The following ANKRD13D variants were observed in gnomAD, a reference collection of about 807,000 sequenced individuals.
ANKRD13D encodes ankyrin repeat domain 13D.
A neutral mutation model predicts 68.8 loss-of-function variants in ANKRD13D; 24 were observed. That is an observed-to-expected ratio of 0.35 (90% CI 0.25 to 0.49). ANKRD13D has a LOEUF of 0.49. ANKRD13D is among the 20% of genes least tolerant of loss of function. The probability of loss-of-function intolerance (pLI) is 0.99; values close to 1 mark genes in which losing one functional copy is unlikely to be tolerated. For synonymous variants in ANKRD13D, 331 were observed against 336.1 expected, an observed-to-expected ratio of 0.98 and a Z score of 0.16; for missense variants, 735 against 832.1, an observed-to-expected ratio of 0.88 and a Z score of 1.44.
At chr11:67,296,412 G>T (rs1860758951) in intron 6 of ANKRD13D, among the ~76,000 whole-genome samples, 1 of 151,496 alleles carries the variant, frequency 6.6e-6, no homozygotes, top group Non-Finnish European at 1.5e-5. Flanking sequence ...TCAGTCTCTT[G>T]ACTTGTTATC....
Position 67,302,174 on chromosome 11 carries a change from C to A in ANKRD13D, c.1660C>A (p.Pro554Thr), listed in dbSNP as rs772381455. The A allele has an allele frequency of 6.3e-7, 1 of 1,596,872 alleles. No individual in the cohort carries two copies. The highest frequency in any genetic ancestry group is 8.5e-7 in the Non-Finnish European group (1 of 1,172,672). Residue 554 changes from proline to threonine, a missense_variant, in exon 15 of 15, where the codon CCC (proline) becomes ACC (threonine). Coordinates refer to ENST00000511455, the MANE Select transcript of ANKRD13D (RefSeq NM_207354.3). ...AGAGCCCAGGGGCCCAGGATCCCCT[C>A]CCAGGACACCCCCAGCCCCCGGTCC... is the stretch of plus-strand genomic sequence containing the variant. The part of the protein sequence containing the change: ...STEPRGPGSP[P>T]RTPPAPGPPS...
In ANKRD13D at chr11:67,302,390, A is replaced by T; in HGVS notation, c.*58A>T. 6.9e-7 allele frequency: 1 copy of T among 1,444,356 alleles called. No homozygotes were observed. The highest frequency in any genetic ancestry group is 2.5e-5 in the East Asian group (1 of 39,598). 89.5% of individuals were successfully genotyped at this position (1,444,356 alleles called of 1,614,324 possible). A position where few individuals can be genotyped will look rare whatever the true frequency, so the allele number is the denominator to read the frequency against. The stretch of plus-strand genomic sequence containing the variant: ...CCCTGCCCGCTTTTGTAATTTATTT[A>T]TTTATAAACTCTCTGCTGCTGAGCT... On this transcript the variant is annotated 3_prime_UTR_variant, in exon 15 of 15. Coordinates refer to ENST00000511455, the MANE Select transcript of ANKRD13D (RefSeq NM_207354.3).
At chr11:67,298,730 G>A in intron 6 of ANKRD13D, 1 of 326,366 alleles carries the variant, frequency 3.1e-6, no homozygotes, top group Non-Finnish European at 5.8e-6. Flanking sequence ...CCTAGAGTGT[G>A]TCAAAGCTCA....
rs778832639 is a variant in ANKRD13D, at chr11:67,300,093, G to A, written c.1043G>A (p.Arg348His). 2.5e-6 allele frequency: 4 copies of A among 1,613,990 alleles called. No individual in the cohort carries two copies. The highest frequency in any genetic ancestry group is 1.7e-4 in the Middle Eastern group (1 of 6,060). ...AGCCTGGAGTCACGGAACATTGGCC[G>A]CCCCATCGAGATGTCCAGCAAAGTA... ...NFSLESRNIG[R>H]PIEMSSKVQR... The change falls in exon 10 of 15, where the codon CGC (arginine) becomes CAC (histidine). Residue 348 changes from arginine (R) to histidine (H), a missense_variant. By Grantham distance (29) the Arg-to-His change is conservative (BLOSUM62 0). Transcript: ENST00000511455. The surrounding 1 kb of genome is among the most constrained non-coding windows in gnomAD (Gnocchi z 4.3).
At chr11:67,290,620 C>T (rs749637693) in intron 3 of ANKRD13D, 174 bp downstream of exon 3, 5 of 1,059,512 alleles carry the variant, frequency 4.7e-6, no homozygotes, top group Non-Finnish European at 6.6e-6. Context: ...AGAGAGACGG[C>T]CAGGCTCACG....
Position 67,300,081 on chromosome 11 carries a change from G to C in ANKRD13D, c.1031G>C (p.Arg344Pro), listed in dbSNP as rs78983123. 1.9e-6 allele frequency: 3 copies of C among 1,614,062 alleles called. No individual in the cohort carries two copies. In the East Asian group the frequency reaches 6.7e-5, roughly 36 times the overall value. The part of the protein sequence containing the change: ...YFDPNFSLES[R>P]NIGRPIEMSS... ...GACCCCAACTTCAGCCTGGAGTCAC[G>C]GAACATTGGCCGCCCCATCGAGATG... is the stretch of plus-strand genomic sequence containing the variant. Residue 344 changes from arginine to proline, a missense_variant, in exon 10 of 15, where the codon CGG becomes CCG. Coordinates refer to ENST00000511455, the MANE Select transcript of ANKRD13D (RefSeq NM_207354.3). The surrounding 1 kb of genome is among the most constrained non-coding windows in gnomAD (Gnocchi z 4.3).
Position 67,302,324 on chromosome 11 carries a change from G to C in ANKRD13D, c.1810G>C (p.Glu604Gln), listed in dbSNP as rs376454786. The C allele has an allele frequency of 7.9e-6, 12 of 1,526,174 alleles. No homozygotes were observed. The Admixed American group carries it at 1.0e-4, about 13-fold the overall frequency. The allele number at this position is 1,526,174 out of a possible 1,614,324, so 94.5% of individuals were successfully genotyped here. A position where few individuals can be genotyped will look rare whatever the true frequency, so the allele number is the denominator to read the frequency against. ...GCGGATCCTGCAGCTGTCACTCACT[G>C]AGCACTGAGCCATAGCCCCGGGAGG... ...LQRILQLSLT[E>Q]H The change falls in exon 15 of 15, where the codon GAG (glutamate) becomes CAG (glutamine). Residue 604 changes from glutamate (E) to glutamine (Q), a missense_variant. Physicochemically the swap from Glu to Gln is conservative, Grantham distance 29 (BLOSUM62 2). Transcript: ENST00000511455.
intron 3 of ANKRD13D, 131 bp downstream of exon 3, chr11:67,290,577 C>CT (rs2136518427): frequency 7.4e-7 from 1 of 1,360,122 alleles, no homozygotes; most frequent in South Asian, 1.5e-5. Context: ...GGAGGTCTGT[C>CT]TATCTTGACC....
At position 67,302,229 on chromosome 11, in the gene ANKRD13D, C is replaced by T; in HGVS notation, c.1715C>T (p.Ala572Val). Residue 572 changes from alanine (A) to valine (V), a missense_variant, in exon 15 of 15, where the codon GCC (alanine) becomes GTC (valine). Coordinates refer to ENST00000511455, the MANE Select transcript of ANKRD13D (RefSeq NM_207354.3). The part of the protein sequence containing the change: ...PPSFEEQLRL[A>V]LELSSREQEE... ...AGCTTTGAAGAGCAGCTGCGCCTGGCCCTGGAGTTGTCTTCACGGGAGCAG... is the reference window on the plus strand; with the variant it reads ...AGCTTTGAAGAGCAGCTGCGCCTGGTCCTGGAGTTGTCTTCACGGGAGCAG... 6.3e-7 allele frequency: 1 copy of T among 1,578,682 alleles called. No individual in the cohort carries two copies. The highest frequency in any genetic ancestry group is 8.6e-7 in the Non-Finnish European group (1 of 1,162,236).
In ANKRD13D at chr11:67,299,798, C is replaced by T. The variant is rs780338795; in HGVS notation, c.881-29C>T. The T allele has an allele frequency of 1.3e-6, 2 of 1,534,036 alleles. No individual in the cohort carries two copies. The highest frequency in any genetic ancestry group is 8.8e-7 in the Non-Finnish European group (1 of 1,140,226). On this transcript the variant is annotated intron_variant, in intron 8 of 14. Coordinates refer to ENST00000511455, the MANE Select transcript of ANKRD13D (RefSeq NM_207354.3). The surrounding 1 kb of genome is among the most constrained non-coding windows in gnomAD (Gnocchi z 6.2). ...CAGGGGCGATGCGAGCATTGTGACC[C>T]CTTACCAGCTCCCACCCCTTCTCCG... is the stretch of plus-strand genomic sequence containing the variant.
rs773480001 is a variant in ANKRD13D, at chr11:67,291,489, A to T, written c.365A>T (p.Tyr122Phe). 6.2e-7 allele frequency: 1 copy of T among 1,613,632 alleles called. No individual in the cohort carries two copies. The stretch of plus-strand genomic sequence containing the variant: ...GGTTTCTCTTAGGCCCCCGATTTCT[A>T]CGTTGAGATGAAGTGGGAGTTCACC... ...LNKLRQAPDF[Y>F]VEMKWEFTSW... is the part of the protein sequence containing the mutation. Residue 122 changes from tyrosine to phenylalanine, a missense_variant, in exon 4 of 15, where the codon TAC (tyrosine) becomes TTC (phenylalanine). Physicochemically the swap from Tyr to Phe is conservative, Grantham distance 22 (BLOSUM62 3). Transcript: ENST00000511455.
intron 2 of ANKRD13D, 31 bp downstream of exon 2, chr11:67,290,244 G>A: frequency 2.6e-6 from 4 of 1,543,946 alleles, no homozygotes; most frequent in Non-Finnish European, 2.6e-6. Flanking sequence ...CTCCCCCTGA[G>A]GCTGGCAGGC....
At chr11:67,292,625 A>G (rs1860611626) in intron 6 of ANKRD13D, among the ~76,000 whole-genome samples, 1 of 152,040 alleles carries the variant, frequency 6.6e-6, no homozygotes, top group South Asian at 2.1e-4. Context: ...AAACACTTAA[A>G]AAAAAAAACA....
chr11:67,299,354 G>A lies in ANKRD13D; in HGVS notation c.799-176G>A, dbSNP rs1189323062. The A allele has an allele frequency of 2.8e-6, 2 of 708,970 alleles. No homozygotes were observed. The highest frequency in any genetic ancestry group is 2.5e-4 in the Middle Eastern group (1 of 3,978). The allele number at this position is 708,970 out of a possible 1,614,324, so 43.9% of individuals were successfully genotyped here. ...AGAGGAGTGTGTTCCTCTTGACCCT[G>A]GGGCTGCATCTCCTCGTTGGTGACT... On this transcript the variant is annotated intron_variant, in intron 7 of 14. Coordinates refer to ENST00000511455, the MANE Select transcript of ANKRD13D (RefSeq NM_207354.3). The surrounding 1 kb of genome is among the most constrained non-coding windows in gnomAD (Gnocchi z 6.2).
intron 3 of ANKRD13D, 86 bp downstream of exon 3, chr11:67,290,532 C>G: frequency 1.3e-6 from 2 of 1,483,392 alleles, no homozygotes; most frequent in Non-Finnish European, 1.8e-6. Context: ...TGGAAAGGCA[C>G]CCAGTTTGTG....
rs769767794 is a variant in ANKRD13D at position 67,299,827 on chromosome 11, C to T, written c.881C>T (p.Ala294Val). The stretch of plus-strand genomic sequence containing the variant: ...ACCAGCTCCCACCCCTTCTCCGTAG[C>T]GGGGAAGACTCCATTCCAGTCCTTC... ...LSDQDKSRSK[A>V]GKTPFQSFLG... Residue 294 changes from alanine to valine, a missense_variant and splice_region_variant, in exon 9 of 15, where the codon GCG becomes GTG. Physicochemically the swap from Ala to Val is moderately conservative, Grantham distance 64. Coordinates refer to ENST00000511455, the MANE Select transcript of ANKRD13D (RefSeq NM_207354.3). The surrounding 1 kb of genome is among the most constrained non-coding windows in gnomAD (Gnocchi z 6.2). The T allele has an allele frequency of 1.6e-5, 24 of 1,532,730 alleles. No homozygotes were observed. The highest frequency in any genetic ancestry group is 1.0e-4 in the Admixed American group (5 of 48,314). The allele number at this position is 1,532,730 out of a possible 1,614,324, so 94.9% of individuals were successfully genotyped here. A position where few individuals can be genotyped will look rare whatever the true frequency, so the allele number is the denominator to read the frequency against.
Position 67,300,441 on chromosome 11 carries a change from G to T in ANKRD13D, c.1073+318G>T, listed in dbSNP as rs531094175. The T allele has an allele frequency of 7.6e-6, 3 of 392,558 alleles. No individual in the cohort carries two copies. In the South Asian group the frequency reaches 9.9e-5, roughly 13 times the overall value. The allele number at this position is 392,558 out of a possible 1,614,324, so 24.3% of individuals were successfully genotyped here. A position where few individuals can be genotyped will look rare whatever the true frequency, so the allele number is the denominator to read the frequency against. On this transcript the variant is annotated intron_variant, in intron 10 of 14. Coordinates refer to ENST00000511455, the MANE Select transcript of ANKRD13D (RefSeq NM_207354.3). The surrounding 1 kb of genome is among the most constrained non-coding windows in gnomAD (Gnocchi z 4.3). ...CCCAGCGACGTGGCCTGGGAGTGGA[G>T]CGTCTGCCTTGGTGGAACAGAACAG...
intron 1 of ANKRD13D, 48 bp from the exon 2 acceptor site, chr11:67,290,030 C>G (rs1320951271): frequency 4.6e-6 from 7 of 1,518,198 alleles, no homozygotes. Flanking sequence ...AGCCTCCCTG[C>G]CTTGCCCTCT....
At position 67,301,687 on chromosome 11, in the gene ANKRD13D, C is replaced by T. The variant is rs1164586425; in HGVS notation, c.1512+36C>T. The stretch of plus-strand genomic sequence containing the variant: ...CCCAGGGGGTGGGCTCTGGCCTCTG[C>T]AGCCACACGGCAGAAGTGACAGCTG... On this transcript the variant is annotated intron_variant, in intron 13 of 14. Coordinates refer to ENST00000511455, the MANE Select transcript of ANKRD13D (RefSeq NM_207354.3). The surrounding 1 kb of genome is among the most constrained non-coding windows in gnomAD (Gnocchi z 4.5). The T allele has an allele frequency of 6.2e-7, 1 of 1,610,448 alleles. No individual in the cohort carries two copies. Among genetic ancestry groups the T allele is most frequent in the Non-Finnish European group, 8.5e-7 (1 of 1,179,280 alleles).
Sources: gnomAD v4.1 joint callset for allele counts (sites outside exome capture counted in the v4.1 genomes callset) on GRCh38, gnomAD v4.1.1 for gene constraint, Gnocchi (gnomAD v3.1) non-coding constraint, MANE v1.5 for transcripts, NCBI Gene and HGNC (gene_info 2026-07-23, HGNC 2026-07-21) for gene names.